Variants in PLEKHM1 observed in about 807,000 individuals in gnomAD.
PLEKHM1 encodes pleckstrin homology domain-containing family M member 1.
PLEKHM1 carries 28 observed loss-of-function variants against 94.3 expected under a neutral mutation model. The ratio of observed to expected loss-of-function variants is 0.30; its 90% confidence interval spans 0.22 to 0.41. The LOEUF (loss-of-function observed/expected upper bound fraction) is 0.41. Among genes scored for constraint, PLEKHM1 ranks in the 10% least tolerant of loss-of-function variants. The probability of loss-of-function intolerance (pLI) is 1.00; values close to 1 mark genes in which losing one functional copy is unlikely to be tolerated. For synonymous variants in PLEKHM1, 424 were observed against 581.2 expected (o/e 0.73, Z 3.89); for missense variants, 907 against 1,358.6 (o/e 0.67, Z 5.22).
Position 45,475,593 on chromosome 17 carries a change from G to C in PLEKHM1, c.430C>G (p.Arg144Gly). The change falls in exon 4 of 12, where the codon CGC becomes GGC. Residue 144 changes from arginine (R) to glycine (G), a missense_variant. Arg to Gly is a moderately radical substitution (Grantham distance 125). This residue lies in a region of PLEKHM1 where 176 missense variants were observed against 306.0 expected (regional missense o/e 0.58). Transcript: ENST00000430334. The part of the protein sequence containing the change: ...YLKLLLQEQA[R>G]LHEYYQPTAL... ...GTGGGCTGGTAGTACTCATGCAAGC[G>C]GGCCTGCTCCTGCAGCAGCAGCTTC... 1 of 1,613,962 alleles carries C rather than the reference G, an allele frequency of 6.2e-7. No individual in the cohort carries two copies.
At chr17:45,473,552 A>C (rs536671203) in intron 4 of PLEKHM1, among the ~76,000 whole-genome samples, 89 of 151,822 alleles carry the variant, frequency 5.9e-4, no homozygotes, top group African/African-American at 2.0e-3. Context: ...AAGAAATTTT[A>C]AAAATCTTTT....
At chr17:45,485,652 C>G (rs990858156) in intron 1 of PLEKHM1, among the ~76,000 whole-genome samples, 1 of 152,022 alleles carries the variant, frequency 6.6e-6, no homozygotes, top group Admixed American at 6.6e-5. Flanking sequence ...AATCCCAGCA[C>G]TTTGGGAGGC....
chr17:45,464,830 T>C (rs1270514949), intron 5 of PLEKHM1, among the ~76,000 whole-genome samples: 1 of 152,198 alleles, frequency 6.6e-6, no homozygotes, highest in Non-Finnish European at 1.5e-5. Context: ...GCCTCCCAAA[T>C]TGCTAGGATT....
intron 2 of PLEKHM1, 115 bp from the exon 3 acceptor site, chr17:45,478,262 ATG>A (rs201287838): frequency 1.7e-6 from 2 of 1,192,006 alleles, no homozygotes; most frequent in East Asian, 2.3e-5. Flanking sequence ...ACACACATCT[ATG>A]TGTGTGTCTG....
intron 9 of PLEKHM1, among the ~76,000 whole-genome samples, chr17:45,443,257 C>T (rs1369406716): frequency 5.3e-5 from 8 of 152,032 alleles, no homozygotes; most frequent in African/African-American, 1.2e-4. Flanking sequence ...AGGGCACACA[C>T]GATGCTGACC....
chr17:45,437,859 C>T lies in PLEKHM1; in HGVS notation c.3170G>A (p.Ter1057=), dbSNP rs1237354296. ...CAGAGCGGGGTCAGCAGATGGGCATCAGGCGAAAATGTTCTGTTCCTGGTA... is the reference window on the plus strand; with the variant it reads ...CAGAGCGGGGTCAGCAGATGGGCATTAGGCGAAAATGTTCTGTTCCTGGTA... ...RKYQEQNIFA[*] is the part of the protein sequence containing the mutation. Residue 1057 remains the stop codon, a stop_retained_variant, in exon 12 of 12, where the codon TGA becomes TAA. Coordinates refer to ENST00000430334, the MANE Select transcript of PLEKHM1 (RefSeq NM_014798.3). The surrounding 1 kb of genome is among the most constrained non-coding windows in gnomAD (Gnocchi z 4.0). 2 of 1,612,672 alleles carry T rather than the reference C, an allele frequency of 1.2e-6. No individual in the cohort carries two copies. The highest frequency in any genetic ancestry group is 3.3e-5 in the Admixed American group (2 of 60,014).
intron 10 of PLEKHM1, 27 bp downstream of exon 10, chr17:45,440,136 T>TG: frequency 1.2e-6 from 2 of 1,604,236 alleles, no homozygotes; most frequent in Non-Finnish European, 8.5e-7. Context: ...TCTAGAGGTC[T>TG]GGGCGGGGGA....
At chr17:45,442,385 G>A (rs1248999091) in intron 9 of PLEKHM1, among the ~76,000 whole-genome samples, 8 of 152,086 alleles carry the variant, frequency 5.3e-5, no homozygotes, top group African/African-American at 1.7e-4. Flanking sequence ...ACTCCACTGG[G>A]GCCAGAATGG....
intron 6 of PLEKHM1, among the ~76,000 whole-genome samples, chr17:45,456,552 C>T (rs888107079): frequency 3.9e-5 from 6 of 152,244 alleles, no homozygotes; most frequent in African/African-American, 7.2e-5. Context: ...AACCTGATGG[C>T]CTAGACCTGA....
chr17:45,443,210 T>A (rs1208270769), intron 9 of PLEKHM1, among the ~76,000 whole-genome samples: 2 of 151,960 alleles, frequency 1.3e-5, no homozygotes, highest in Non-Finnish European at 2.9e-5. Context: ...CTCTGGGAGC[T>A]CCTCTGGCCC....
rs759934463 is a variant in PLEKHM1, at chr17:45,436,726, A to G, written c.*1132T>C. On this transcript the variant is annotated 3_prime_UTR_variant, in exon 12 of 12. Coordinates refer to ENST00000430334, the MANE Select transcript of PLEKHM1 (RefSeq NM_014798.3). ...GCTCCGGGGAACTTCTTCAGTCTCC[A>G]GTGTCCCGGCTGGGCAAGTTCAGTG... 152 of 454,024 alleles carry G rather than the reference A, an allele frequency of 3.3e-4. 1 individual carries two copies. Among genetic ancestry groups the G allele is most frequent in the Non-Finnish European group, 6.1e-4 (139 of 226,802 alleles). 28.1% of individuals were successfully genotyped at this position (454,024 alleles called of 1,614,324 possible). A position where few individuals can be genotyped will look rare whatever the true frequency, so the allele number is the denominator to read the frequency against.
At chr17:45,474,190 G>A (rs2051625148) in intron 4 of PLEKHM1, among the ~76,000 whole-genome samples, 1 of 151,566 alleles carries the variant, frequency 6.6e-6, no homozygotes, top group Admixed American at 6.6e-5. Context: ...CCATGTAGCT[G>A]GGACTACAAG....
chr17:45,447,197 C>T (rs892866947), intron 8 of PLEKHM1, among the ~76,000 whole-genome samples: 1 of 152,194 alleles, frequency 6.6e-6, no homozygotes. Flanking sequence ...CCTCAGGAGA[C>T]CTGCCCCTGT....
intron 6 of PLEKHM1, 74 bp downstream of exon 6, chr17:45,458,095 G>C: frequency 7.9e-7 from 1 of 1,269,818 alleles, no homozygotes; most frequent in East Asian, 2.4e-5. Context: ...ATGGAAAACA[G>C]AACTTCACAG....
At position 45,468,362 on chromosome 17, in the gene PLEKHM1, G is replaced by C; in HGVS notation, c.1155C>G (p.Asp385Glu). 3 of 1,614,168 alleles carry C rather than the reference G, an allele frequency of 1.9e-6. No individual in the cohort carries two copies. The highest frequency in any genetic ancestry group is 2.5e-6 in the Non-Finnish European group (3 of 1,180,026). The change falls in exon 5 of 12, where the codon GAC (aspartate) becomes GAG (glutamate). Residue 385 changes from aspartate to glutamate, a missense_variant. By Grantham distance (45) the Asp-to-Glu change is conservative. This residue lies in a region of PLEKHM1 where 477 missense variants were observed against 601.5 expected (regional missense o/e 0.79). Transcript: ENST00000430334. ...EPRPQAPSPL[D>E]LQQPVESTSG... ...AGGTGCTCTCTACAGGCTGCTGTAA[G>C]TCCAGGGGGCTGGGCGCCTGGGGAC...
At chr17:45,440,525 C>G (rs1346978401) in intron 9 of PLEKHM1, among the ~76,000 whole-genome samples, 1 of 152,260 alleles carries the variant, frequency 6.6e-6, no homozygotes, top group African/African-American at 2.4e-5. Context: ...TGGTGCCAAG[C>G]TCACAGTAAA....
At chr17:45,458,137 G>A (rs772584633) in intron 6 of PLEKHM1, 32 bp downstream of exon 6, 74 of 1,605,802 alleles carry the variant, frequency 4.6e-5, no homozygotes, top group Non-Finnish European at 6.0e-5. Context: ...CCCTGCAGAT[G>A]GGACCCACCC....
At chr17:45,452,955 T>C (rs1198692162) in intron 7 of PLEKHM1, 1 of 350,334 alleles carries the variant, frequency 2.9e-6, no homozygotes, top group Non-Finnish European at 5.4e-6. Flanking sequence ...AGCCCATTTT[T>C]ATAATTAAAA....
At chr17:45,479,782 T>C (rs2051885991) in intron 2 of PLEKHM1, among the ~76,000 whole-genome samples, 1 of 152,240 alleles carries the variant, frequency 6.6e-6, no homozygotes, top group Non-Finnish European at 1.5e-5. Flanking sequence ...CATCCTTGTG[T>C]CAACACTTGG....
Sources: gnomAD v4.1 joint callset for allele counts (sites outside exome capture counted in the v4.1 genomes callset) on GRCh38, gnomAD v4.1.1 for gene constraint, gnomAD v4.1.1 regional missense constraint, Gnocchi (gnomAD v3.1) non-coding constraint, MANE v1.5 for transcripts, NCBI Gene and HGNC (gene_info 2026-07-23, HGNC 2026-07-21) for gene names.